Variants in FAM167A observed in about 807,000 individuals in gnomAD.
The protein encoded by FAM167A is protein FAM167A.
FAM167A carries 23 observed loss-of-function variants against 14.9 expected under a neutral mutation model. The ratio of observed to expected loss-of-function variants is 1.55; its 90% CI spans 1.11 to 2.19. The LOEUF (loss-of-function observed/expected upper bound fraction) is 2.19. FAM167A is among the 30% of genes most tolerant of loss of function. The probability of loss-of-function intolerance (pLI) is 0.00; values close to 1 mark genes in which losing one functional copy is unlikely to be tolerated. For missense variants in FAM167A, 401 were observed against 281.5 expected, an observed-to-expected ratio of 1.42 and a Z score of -3.04; for synonymous variants, 174 against 117.7, an observed-to-expected ratio of 1.48 and a Z score of -3.10.
At chr8:11,438,663 C>T in intron 2 of FAM167A, 2 of 388,048 alleles carry the variant, frequency 5.2e-6, no homozygotes, top group Admixed American at 3.3e-5. Flanking sequence ...GGTGTATTTC[C>T]TTTCCTGGTT....
At chr8:11,454,757 G>A (rs990065915) in intron 1 of FAM167A, among the ~76,000 whole-genome samples, 2 of 152,204 alleles carry the variant, frequency 1.3e-5, no homozygotes, top group Non-Finnish European at 2.9e-5. Flanking sequence ...AGGCTTTTCT[G>A]CCCGGGTTTA....
At chr8:11,449,149 A>G (rs1192726922) in intron 1 of FAM167A, among the ~76,000 whole-genome samples, 1 of 152,234 alleles carries the variant, frequency 6.6e-6, no homozygotes, top group South Asian at 2.1e-4. Context: ...CTCAAGCAGC[A>G]TGTGTTTTCC....
At chr8:11,438,830 G>A (rs1806236527) in intron 2 of FAM167A, among the ~76,000 whole-genome samples, 1 of 152,242 alleles carries the variant, frequency 6.6e-6, no homozygotes, top group South Asian at 2.1e-4. Flanking sequence ...GCTGGGACGA[G>A]GAATTCTCTT....
At chr8:11,475,666 A>G (rs2117181830) in intron 1 of FAM167A, among the ~76,000 whole-genome samples, 1 of 152,278 alleles carries the variant, frequency 6.6e-6, no homozygotes, top group East Asian at 1.9e-4. Flanking sequence ...AAACATATCC[A>G]GTACCAATTA....
At chr8:11,471,453 G>A (rs558113329), upstream of FAM167A, among the ~76,000 whole-genome samples, 2 of 152,140 alleles carry the variant, frequency 1.3e-5, no homozygotes, top group African/African-American at 2.4e-5. Flanking sequence ...GAGGCCCCCC[G>A]CATGTCCCAG....
chr8:11,430,111 A>AC (rs1294704573), intron 2 of FAM167A, among the ~76,000 whole-genome samples: 2 of 152,190 alleles, frequency 1.3e-5, no homozygotes, highest in African/African-American at 4.8e-5. Flanking sequence ...CAAAGGCTCT[A>AC]CCATAGGATG....
chr8:11,425,901 C>T (rs547155004), intron 2 of FAM167A, among the ~76,000 whole-genome samples: 13 of 152,186 alleles, frequency 8.5e-5, no homozygotes, highest in African/African-American at 3.1e-4. Flanking sequence ...GTGGGAGATA[C>T]TTACATCTGT....
At position 11,459,881 on chromosome 8, in the gene FAM167A, C is replaced by G. The variant is rs550158701; in HGVS notation, c.-398+6745G>C. ...CAGGCACCCACCACCACACCCACCA[C>G]CACACCTGGCTAATTTTTGTATTTT... On this transcript the variant is annotated intron_variant, in intron 1 of 2. Transcript: ENST00000284486. 6.6e-5 allele frequency among the ~76,000 whole-genome samples: 10 copies of G among 152,332 alleles called. No homozygotes were observed. In the East Asian group the frequency reaches 1.9e-3, roughly 29 times the overall value.
chr8:11,475,886 T>C (rs1385628483), exon 1 of FAM167A, among the ~76,000 whole-genome samples: 1 of 152,160 alleles, frequency 6.6e-6, no homozygotes, highest in Non-Finnish European at 1.5e-5. Flanking sequence ...GCAGACCTCT[T>C]GGTTATCCTC....
In FAM167A at chr8:11,450,403, TATC is replaced by T. The variant is rs376847376; in HGVS notation, c.-397-5598_-397-5596del. Among the ~76,000 whole-genome samples the T allele has an allele frequency of 3.6e-4, 55 of 152,292 alleles. 2 individuals are homozygous for T. The East Asian group carries it at 0.011, about 29-fold the overall frequency. ...TCACAACAGCCCTATGAATCTGGGG[TATC>T]ATCATCCCCATTTTACAGATGAAGA... On this transcript the variant is annotated intron_variant, in intron 1 of 2. Coordinates refer to ENST00000284486, the MANE Select transcript of FAM167A (RefSeq NM_053279.3).
Position 11,425,668 on chromosome 8 carries a change from AC to A in FAM167A, c.382-1033del, listed in dbSNP as rs112675578. On this transcript the variant is annotated intron_variant, in intron 2 of 2. Transcript: ENST00000284486. ...ATGGAGTTCAGACATGCTTTGTTAT[AC>A]CCCCCCTTGCTGTTGGAGTTTAGGC... is the stretch of plus-strand genomic sequence containing the variant. 7.0e-3 allele frequency among the ~76,000 whole-genome samples: 1,054 copies of A among 151,138 alleles called. 11 individuals carry two copies. Among genetic ancestry groups the A allele is most frequent in the African/African-American group, 0.024 (1,002 of 41,090 alleles).
Position 11,444,036 on chromosome 8 carries a change from C to A in FAM167A, c.376G>T (p.Glu126Ter). ...TCTTGGGGGCAGCCACTCACCAGTT[C>A]CTTCCTGAGCCAGGCTATAGCTTCA... Reference protein sequence around the residue: ...IDEAIAWLRKELTEMRLQDQQ... With the variant: ...IDEAIAWLRK The change falls in exon 2 of 3, where the codon GAA becomes TAA. Residue 126 changes from glutamate to a stop codon, truncating the protein, a stop_gained. Coordinates refer to ENST00000284486, the MANE Select transcript of FAM167A (RefSeq NM_053279.3). LOFTEE classifies it high-confidence loss of function. 6.2e-7 allele frequency: 1 copy of A among 1,611,340 alleles called. No individual in the cohort carries two copies. Among genetic ancestry groups the A allele is most frequent in the Non-Finnish European group, 8.5e-7 (1 of 1,178,644 alleles).
intron 2 of FAM167A, among the ~76,000 whole-genome samples, chr8:11,439,247 A>G (rs2117061848): frequency 6.6e-6 from 1 of 152,330 alleles, no homozygotes; most frequent in Middle Eastern, 3.4e-3. Context: ...TTCTTGCAGG[A>G]TAGTGTATAT....
chr8:11,474,023 G>A (rs942647788), intron 1 of FAM167A, among the ~76,000 whole-genome samples: 8 of 152,042 alleles, frequency 5.3e-5, no homozygotes, highest in Admixed American at 2.0e-4. Context: ...ACAGGCATGC[G>A]CCACCATGCC....
chr8:11,461,536 T>C (rs1051087377), intron 1 of FAM167A, among the ~76,000 whole-genome samples: 14 of 152,306 alleles, frequency 9.2e-5, no homozygotes, highest in East Asian at 3.9e-4. Context: ...CGCAGGCCGG[T>C]ACCCTGGCTA....
intron 1 of FAM167A, among the ~76,000 whole-genome samples, chr8:11,453,534 T>C (rs1049695791): frequency 7.2e-5 from 11 of 152,192 alleles, no homozygotes; most frequent in Admixed American, 7.2e-4. Flanking sequence ...GCACTCAGAC[T>C]GTACCTGGCA....
At chr8:11,475,105 G>T (rs1328229777) in intron 1 of FAM167A, among the ~76,000 whole-genome samples, 1 of 152,138 alleles carries the variant, frequency 6.6e-6, no homozygotes, top group East Asian at 1.9e-4. Flanking sequence ...CAGCAGACTG[G>T]GCAGTCCAGT....
intron 1 of FAM167A, among the ~76,000 whole-genome samples, chr8:11,452,308 C>T (rs1040460662): frequency 6.6e-6 from 1 of 152,240 alleles, no homozygotes; most frequent in Non-Finnish European, 1.5e-5. Flanking sequence ...GGCAGAAACG[C>T]CGCCCATGGT....
chr8:11,445,772 C>T (rs1454858370), intron 1 of FAM167A, among the ~76,000 whole-genome samples: 2 of 151,604 alleles, frequency 1.3e-5, no homozygotes, highest in Non-Finnish European at 2.9e-5. Context: ...GAGTAGGAGA[C>T]ATCTGATTTG....
Sources: gnomAD v4.1 joint callset for allele counts (sites outside exome capture counted in the v4.1 genomes callset) on GRCh38, gnomAD v4.1.1 for gene constraint, MANE v1.5 for transcripts, NCBI Gene and HGNC (gene_info 2026-07-23, HGNC 2026-07-21) for gene names.